TUSC3: variants seen among roughly 807,000 people sequenced by gnomAD.
TUSC3 encodes the protein dolichyl-diphosphooligosaccharide--protein glycosyltransferase subunit TUSC3.
A neutral mutation model predicts 44.8 loss-of-function variants in TUSC3; 45 were observed. The ratio of observed to expected loss-of-function variants is 1.00; its 90% CI spans 0.79 to 1.29. The LOEUF (loss-of-function observed/expected upper bound fraction) is 1.29. TUSC3 is among the 50% of genes most tolerant of loss of function. TUSC3 has a pLI of 0.00. For synonymous variants in TUSC3, 212 were observed against 152.9 expected (o/e 1.39, Z -2.85); for missense variants, 519 against 437.9 (o/e 1.19, Z -1.65).
chr8:15,553,966 C>A (rs574357373), intron 1 of TUSC3, among the ~76,000 whole-genome samples: 1 of 151,730 alleles, frequency 6.6e-6, no homozygotes, highest in Non-Finnish European at 1.5e-5. Context: ...CCATAACCAT[C>A]AGATGGGCAG....
the TUSC3 span, among the ~76,000 whole-genome samples, chr8:15,834,972 C>A: frequency 2.6e-5 from 4 of 152,164 alleles, no homozygotes; most frequent in Admixed American, 2.6e-4. Flanking sequence ...TTAGGACATG[C>A]AAGGGTCATG....
chr8:15,693,302 C>T (rs988164729), intron 6 of TUSC3, among the ~76,000 whole-genome samples: 3 of 152,092 alleles, frequency 2.0e-5, no homozygotes, highest in Non-Finnish European at 4.4e-5. Context: ...ACAGTCTTTT[C>T]TTTCCACATT....
At chr8:15,510,618 C>T (rs528942671) in intron 2 of TUSC3, among the ~76,000 whole-genome samples, 2 of 152,050 alleles carry the variant, frequency 1.3e-5, no homozygotes, top group African/African-American at 2.4e-5. Context: ...CAGAAAACTC[C>T]AGGCCCAGAT....
chr8:15,620,926 T>C (rs1805214804), intron 1 of TUSC3, among the ~76,000 whole-genome samples: 1 of 152,140 alleles, frequency 6.6e-6, no homozygotes, highest in Non-Finnish European at 1.5e-5. Flanking sequence ...GATTTTTAAA[T>C]GAGAAAAACA....
intron 1 of TUSC3, among the ~76,000 whole-genome samples, chr8:15,568,200 C>G (rs1221805887): frequency 6.6e-6 from 1 of 152,066 alleles, no homozygotes; most frequent in Non-Finnish European, 1.5e-5. Flanking sequence ...CTCACTTGGG[C>G]ACGAAAAAGT....
intron 1 of TUSC3, among the ~76,000 whole-genome samples, chr8:15,564,516 A>T (rs1054076923): frequency 1.3e-5 from 2 of 152,130 alleles, no homozygotes; most frequent in African/African-American, 4.8e-5. Flanking sequence ...CTATTTGAAC[A>T]CATTTGTCAA....
At chr8:15,431,863 T>C (rs984898538) in intron 1 of TUSC3, among the ~76,000 whole-genome samples, 3 of 41,790 alleles carry the variant, frequency 7.2e-5, no homozygotes, top group African/African-American at 1.1e-4. Context: ...GTTCAGCCAC[T>C]GTTAAGAAAG....
At chr8:15,758,882 C>T (rs1404822060) in intron 10 of TUSC3, among the ~76,000 whole-genome samples, 1 of 152,050 alleles carries the variant, frequency 6.6e-6, no homozygotes, top group Non-Finnish European at 1.5e-5. Flanking sequence ...CTTCCATTCC[C>T]AGAGATGTTT....
At chr8:15,460,528 T>G (rs1229203143) in intron 1 of TUSC3, among the ~76,000 whole-genome samples, 4 of 152,300 alleles carry the variant, frequency 2.6e-5, no homozygotes, top group African/African-American at 9.6e-5. Context: ...TGCAAAACTC[T>G]TTAATTATGT....
At chr8:15,759,876 G>T (rs555963322) in intron 10 of TUSC3, among the ~76,000 whole-genome samples, 2 of 151,858 alleles carry the variant, frequency 1.3e-5, no homozygotes, top group African/African-American at 4.8e-5. Flanking sequence ...CCTTTTCCCC[G>T]ACACTGTCAT....
chr8:15,564,892 A>G (rs1247298890), intron 1 of TUSC3, among the ~76,000 whole-genome samples: 2 of 152,094 alleles, frequency 1.3e-5, no homozygotes, highest in African/African-American at 2.4e-5. Flanking sequence ...GATTTGGAAG[A>G]TAGAAGAGAA....
At position 15,540,472 on chromosome 8, in the gene TUSC3, G is replaced by A. The variant is rs771958940; in HGVS notation, c.42G>A (p.Gly14=). Residue 14 remains glycine, a synonymous_variant, in exon 1 of 11, where the codon GGG becomes GGA. Transcript: ENST00000503731. ...RGAPSRRRQA[G]RRLRYLPTGS... The stretch of plus-strand genomic sequence containing the variant: ...CTCCTTCACGCCGTAGGCAAGCGGG[G>A]CGGCGGCTGCGGTACCTGCCCACCG... 2 of 1,607,218 alleles carry A rather than the reference G, an allele frequency of 1.2e-6. No homozygotes were observed. Among genetic ancestry groups the A allele is most frequent in the Non-Finnish European group, 1.7e-6 (2 of 1,177,690 alleles).
chr8:15,657,120 C>T (rs764991806), intron 3 of TUSC3, among the ~76,000 whole-genome samples: 7 of 152,164 alleles, frequency 4.6e-5, no homozygotes, highest in Non-Finnish European at 1.0e-4. Flanking sequence ...ATGAGTAATA[C>T]CTGGCTTCCT....
intron 1 of TUSC3, among the ~76,000 whole-genome samples, chr8:15,592,802 A>G (rs1372535443): frequency 6.6e-6 from 1 of 152,186 alleles, no homozygotes; most frequent in Non-Finnish European, 1.5e-5. Flanking sequence ...CAAGCCTTAC[A>G]ACAAACATGT....
the TUSC3 span, among the ~76,000 whole-genome samples, chr8:15,777,823 C>G: frequency 1.3e-5 from 2 of 152,004 alleles, no homozygotes; most frequent in African/African-American, 4.8e-5. Context: ...TACAGACACA[C>G]ACAAGAAGTA....
At chr8:15,693,441 CTTTTTTTTT>C (rs35915071) in intron 6 of TUSC3, among the ~76,000 whole-genome samples, 5 of 96,900 alleles carry the variant, frequency 5.2e-5, no homozygotes, top group East Asian at 3.5e-4. Context: ...GTTGGAAGTT[CTTTTTTTTT>C]TTTTTTTTTT....
intron 6 of TUSC3, among the ~76,000 whole-genome samples, chr8:15,678,529 T>G (rs1202425237): frequency 6.6e-6 from 1 of 152,212 alleles, no homozygotes; most frequent in Admixed American, 6.5e-5. Flanking sequence ...AGTTTTATTT[T>G]TAAGCCAATA....
intron 1 of TUSC3, among the ~76,000 whole-genome samples, chr8:15,569,426 A>G (rs1157954809): frequency 6.6e-6 from 1 of 152,176 alleles, no homozygotes; most frequent in Admixed American, 6.5e-5. Context: ...CAGCATCATG[A>G]TAATGAAACT....
At chr8:15,484,934 T>C (rs889270688) in intron 2 of TUSC3, among the ~76,000 whole-genome samples, 2 of 152,212 alleles carry the variant, frequency 1.3e-5, no homozygotes, top group African/African-American at 4.8e-5. Flanking sequence ...TGTAAAAACT[T>C]ATTGAGTAAC....
Sources: gnomAD v4.1 joint callset for allele counts (sites outside exome capture counted in the v4.1 genomes callset) on GRCh38, gnomAD v4.1.1 for gene constraint, MANE v1.5 for transcripts, NCBI Gene and HGNC (gene_info 2026-07-23, HGNC 2026-07-21) for gene names.